CAGE1: variants seen among roughly 807,000 people sequenced by gnomAD.
CAGE1 encodes the protein cancer antigen 1, also known as cancer-associated gene 1 protein.
A neutral mutation model predicts 94.9 loss-of-function variants in CAGE1; 66 were observed. The ratio of observed to expected loss-of-function variants is 0.70; its 90% CI spans 0.57 to 0.85. The LOEUF (loss-of-function observed/expected upper bound fraction) is 0.85. Among genes scored for constraint, CAGE1 ranks in the 40% least tolerant of loss-of-function variants. The probability of loss-of-function intolerance (pLI) is 0.00; values close to 1 mark genes in which losing one functional copy is unlikely to be tolerated. For synonymous variants in CAGE1, 319 were observed against 321.0 expected, an observed-to-expected ratio of 0.99 and a Z score of 0.07; for missense variants, 865 against 950.4, an observed-to-expected ratio of 0.91 and a Z score of 1.18.
chr6:7,341,959 A>G (rs1759193692), intron 11 of CAGE1: 1 of 732,310 alleles, frequency 1.4e-6, no homozygotes, highest in African/African-American at 1.7e-5. Flanking sequence ...TTCAGTCATC[A>G]GATCTATGCA....
At chr6:7,329,344 G>T in intron 13 of CAGE1, 1 of 349,370 alleles carries the variant, frequency 2.9e-6, no homozygotes, top group East Asian at 4.1e-5. Flanking sequence ...ATGATGAGAA[G>T]GAGAAAGCAG....
intron 7 of CAGE1, 54 bp downstream of exon 7, chr6:7,368,634 A>T (rs568508002): frequency 2.1e-6 from 2 of 946,098 alleles, no homozygotes; most frequent in Non-Finnish European, 3.1e-6. Context: ...CTACCTTTTA[A>T]CTATTTTTTC....
In CAGE1 at chr6:7,345,916, G is replaced by C. The variant is rs191339435; in HGVS notation, c.2369+9125C>G. Among the ~76,000 whole-genome samples the C allele has an allele frequency of 3.4e-3, 521 of 151,766 alleles. 4 individuals are homozygous for C. The highest frequency in any genetic ancestry group is 0.012 in the African/African-American group (493 of 41,440). ...CTCCAGCCTGGGTGACAGAACGAGA[G>C]TCCATCTCAAAAAAAGAAAAATTAC... On this transcript the variant is annotated intron_variant, in intron 11 of 13. Coordinates refer to ENST00000502583, the MANE Select transcript of CAGE1 (RefSeq NM_001170692.2).
chr6:7,373,416 G>A lies in CAGE1; in HGVS notation c.1403C>T (p.Ser468Phe). The change falls in exon 5 of 14, where the codon TCT becomes TTT. Residue 468 changes from serine to phenylalanine, a missense_variant. Ser to Phe is a radical substitution (Grantham distance 155). Coordinates refer to ENST00000502583, the MANE Select transcript of CAGE1 (RefSeq NM_001170692.2). ...LKKELEKATASALDLLKREKE... is the reference protein window; with the variant it reads ...LKKELEKATAFALDLLKREKE... ...TTCCCGTTTCAACAAGTCCAAAGCA[G>A]AAGCTGTGGCCTTTTCCAGTTCTTT... 6.2e-7 allele frequency: 1 copy of A among 1,613,694 alleles called. No individual in the cohort carries two copies. The highest frequency in any genetic ancestry group is 8.5e-7 in the Non-Finnish European group (1 of 1,179,750).
intron 11 of CAGE1, among the ~76,000 whole-genome samples, chr6:7,352,290 C>CAAAAAAAAAAAACAAAAAA (rs1759798360): frequency 6.9e-5 from 3 of 43,620 alleles, no homozygotes; most frequent in African/African-American, 1.2e-4. Context: ...ACAATAGCTG[C>CAAAAAAAAAAAACAAAAAA]AAAAAAAAAA....
At chr6:7,359,919 TA>T (rs1369763008) in intron 9 of CAGE1, among the ~76,000 whole-genome samples, 1 of 152,152 alleles carries the variant, frequency 6.6e-6, no homozygotes, top group East Asian at 1.9e-4. Context: ...TATAGTTCTG[TA>T]GGTGGGAAGT....
intron 12 of CAGE1, among the ~76,000 whole-genome samples, chr6:7,332,149 G>C (rs888242972): frequency 2.0e-5 from 3 of 152,172 alleles, no homozygotes; most frequent in Non-Finnish European, 4.4e-5. Context: ...CACTGTCTTT[G>C]GAGGCCAGTT....
intron 4 of CAGE1, among the ~76,000 whole-genome samples, chr6:7,375,088 T>C (rs993216614): frequency 6.7e-6 from 1 of 150,050 alleles, no homozygotes; most frequent in East Asian, 2.0e-4. Flanking sequence ...CAGTAATTTG[T>C]GGTAAGAAAT....
rs1759098996 is a variant in CAGE1, at chr6:7,339,730, C to A, written c.2370-5640G>T. Among the ~76,000 whole-genome samples, 1 of 152,232 alleles carries A rather than the reference C, an allele frequency of 6.6e-6. No individual in the cohort carries two copies. The highest frequency in any genetic ancestry group is 2.4e-5 in the African/African-American group (1 of 41,460). ...ATGGTCTCCAATTCCATCTAAGTTG[C>A]TGTGAATGCCATTATTTCATTCCTT... On this transcript the variant is annotated intron_variant, in intron 11 of 13. Transcript: ENST00000502583. The surrounding 1 kb of genome is among the most constrained non-coding windows in gnomAD (Gnocchi z 4.7).
rs559934018 is a variant in CAGE1 at position 7,341,882 on chromosome 6, G to A, written c.2370-7792C>T. 3.8e-4 allele frequency: 261 copies of A among 686,998 alleles called. 4 individuals carry two copies. Among genetic ancestry groups the A allele is most frequent in the South Asian group, 3.5e-3 (257 of 73,738 alleles). The allele number at this position is 686,998 out of a possible 1,614,324, so 42.6% of individuals were successfully genotyped here. On this transcript the variant is annotated intron_variant, in intron 11 of 13. Coordinates refer to ENST00000502583, the MANE Select transcript of CAGE1 (RefSeq NM_001170692.2). ...GCCACTTCTTCTTGCAGGAACGGGT[G>A]CCCTCTCCAATCAGGGTACTGCAGC...
chr6:7,335,434 G>A (rs1210615934), intron 11 of CAGE1, among the ~76,000 whole-genome samples: 5 of 152,214 alleles, frequency 3.3e-5, no homozygotes, highest in East Asian at 3.9e-4. Flanking sequence ...TGAAATGAGC[G>A]AAGCCAGCTA....
chr6:7,379,390 C>T (rs1331878016), intron 3 of CAGE1, among the ~76,000 whole-genome samples: 1 of 152,102 alleles, frequency 6.6e-6, no homozygotes, highest in East Asian at 1.9e-4. Flanking sequence ...CACATATAAA[C>T]TTGCTTAATC....
In CAGE1 at chr6:7,344,367, G is replaced by A. The variant is rs186422792; in HGVS notation, c.2370-10277C>T. On this transcript the variant is annotated intron_variant, in intron 11 of 13. Transcript: ENST00000502583. ...TGAGGGGTTTAGCACCCGGGCCAGC[G>A]GCTGCAGAGGGTGTACTGGGTCCCC... 2.8e-3 allele frequency among the ~76,000 whole-genome samples: 428 copies of A among 152,334 alleles called. 1 individual carries two copies. The highest frequency in any genetic ancestry group is 4.1e-3 in the Non-Finnish European group (281 of 68,030).
At chr6:7,365,981 C>A in intron 7 of CAGE1, 97 bp from the exon 8 acceptor site, 1 of 725,098 alleles carries the variant, frequency 1.4e-6, no homozygotes, top group Non-Finnish European at 2.2e-6. Context: ...CGTAGTGGCT[C>A]ATGCCTATAA....
At chr6:7,346,276 C>T (rs372912846) in intron 11 of CAGE1, among the ~76,000 whole-genome samples, 1 of 152,104 alleles carries the variant, frequency 6.6e-6, no homozygotes, top group African/African-American at 2.4e-5. Flanking sequence ...TAAATCAGGG[C>T]GGGTGCAGTG....
intron 4 of CAGE1, among the ~76,000 whole-genome samples, chr6:7,375,804 C>T (rs1218283068): frequency 6.6e-6 from 1 of 152,144 alleles, no homozygotes; most frequent in Non-Finnish European, 1.5e-5. Context: ...ACAAGGACTT[C>T]TGTATTTTGT....
At chr6:7,358,027 G>GATATATATATATGTGTATATAT (rs1554138207) in intron 9 of CAGE1, among the ~76,000 whole-genome samples, 1 of 48,076 alleles carries the variant, frequency 2.1e-5, no homozygotes. Flanking sequence ...TAAGTTTTGA[G>GATATATATATATGTGTATATAT]ATATATATAT....
At chr6:7,369,790 G>T in intron 6 of CAGE1, 129 bp downstream of exon 6, 1 of 896,254 alleles carries the variant, frequency 1.1e-6, no homozygotes, top group South Asian at 2.0e-5. Context: ...TGGCTTAGGG[G>T]TCTGTATTTT....
At chr6:7,367,278 A>ATTTTTTTTTTTTTTTTTTTTTTTTTTTT (rs70978961) in intron 7 of CAGE1, among the ~76,000 whole-genome samples, 3 of 111,210 alleles carry the variant, frequency 2.7e-5, no homozygotes, top group African/African-American at 7.6e-5. Flanking sequence ...TATTTGGGGG[A>ATTTTTTTTTTTTTTTTTTTTTTTTTTTT]TTTTTTTTTT....
Sources: allele counts gnomAD v4.1 joint callset (sites outside exome capture counted in the v4.1 genomes callset), GRCh38; gene constraint gnomAD v4.1.1; non-coding constraint Gnocchi (gnomAD v3.1); transcripts MANE v1.5; gene names NCBI Gene and HGNC (gene_info 2026-07-23, HGNC 2026-07-21).